TRAPPC9: variants seen among roughly 807,000 people sequenced by gnomAD.
TRAPPC9 encodes IKK2 binding protein.
In TRAPPC9, 83 loss-of-function variants were observed where a neutral mutation model predicts 124.0. The observed-to-expected ratio is 0.67, with a 90% CI of 0.56 to 0.80. TRAPPC9 has a LOEUF of 0.80. Ranked by LOEUF, TRAPPC9 falls within the 30% of genes least tolerant of loss-of-function variation. The probability of loss-of-function intolerance (pLI) is 0.00; values close to 1 mark genes in which losing one functional copy is unlikely to be tolerated. For missense variants in TRAPPC9, 1,302 were observed against 1,508.3 expected (o/e 0.86, Z 2.27); for synonymous variants, 638 against 617.5 (o/e 1.03, Z -0.49).
At chr8:140,372,942 A>G (rs73713112) in intron 7 of TRAPPC9, among the ~76,000 whole-genome samples, 5,454 of 152,292 alleles carry the variant, frequency 0.036, 209 homozygotes, top group African/African-American at 0.097. Context: ...CCCCTTCAGG[A>G]CTGTAAAATG....
At chr8:140,245,089 C>T (rs1348312235) in intron 16 of TRAPPC9, among the ~76,000 whole-genome samples, 1 of 152,138 alleles carries the variant, frequency 6.6e-6, no homozygotes, top group African/African-American at 2.4e-5. Context: ...CAGGCACGAG[C>T]CACCGCGCCT....
intron 17 of TRAPPC9, among the ~76,000 whole-genome samples, chr8:140,179,310 C>G (rs2062147429): frequency 6.6e-6 from 1 of 151,974 alleles, no homozygotes; most frequent in South Asian, 2.1e-4. Context: ...TTCAAATTAC[C>G]CTGTGATTTC....
At chr8:140,186,217 A>G (rs2062351557) in intron 17 of TRAPPC9, among the ~76,000 whole-genome samples, 1 of 152,244 alleles carries the variant, frequency 6.6e-6, no homozygotes, top group African/African-American at 2.4e-5. Flanking sequence ...TATAGCTACA[A>G]AATAGTCACT....
chr8:140,278,377 A>T (rs1258339251), intron 14 of TRAPPC9, among the ~76,000 whole-genome samples: 2 of 152,204 alleles, frequency 1.3e-5, no homozygotes, highest in Non-Finnish European at 2.9e-5. Flanking sequence ...AAGTGCTAGG[A>T]TTACAGGAGT....
At chr8:140,084,808 C>T (rs1051284283) in intron 17 of TRAPPC9, among the ~76,000 whole-genome samples, 5 of 152,322 alleles carry the variant, frequency 3.3e-5, no homozygotes, top group Middle Eastern at 3.4e-3. Flanking sequence ...CCCTTGGAGA[C>T]GTTTACCAAG....
At chr8:139,982,025 A>G (rs769197493) in intron 19 of TRAPPC9, among the ~76,000 whole-genome samples, 7 of 152,222 alleles carry the variant, frequency 4.6e-5, no homozygotes, top group Non-Finnish European at 1.0e-4. Context: ...ATCTATTATC[A>G]TACATTATAA....
At chr8:140,188,367 T>C (rs2062397965) in intron 17 of TRAPPC9, among the ~76,000 whole-genome samples, 2 of 152,210 alleles carry the variant, frequency 1.3e-5, no homozygotes, top group African/African-American at 4.8e-5. Flanking sequence ...TCTCTCCTGA[T>C]CCTCTGACTG....
intron 21 of TRAPPC9, among the ~76,000 whole-genome samples, chr8:139,881,575 T>A (rs1029383281): frequency 6.6e-6 from 1 of 152,154 alleles, no homozygotes; most frequent in African/African-American, 2.4e-5. Context: ...TGTCCTCAGA[T>A]GGCTGAAGTG....
chr8:140,427,358 CTCTA>C (rs1329836022), intron 4 of TRAPPC9, among the ~76,000 whole-genome samples: 1 of 147,498 alleles, frequency 6.8e-6, no homozygotes, highest in East Asian at 2.2e-4. Context: ...AAATACATCT[CTCTA>C]TATATATATC....
intron 17 of TRAPPC9, among the ~76,000 whole-genome samples, chr8:140,174,319 C>T (rs2062020519): frequency 6.6e-6 from 1 of 151,728 alleles, no homozygotes. Flanking sequence ...AACCAACCCC[C>T]ATGACACATG....
rs185962017 is a variant in TRAPPC9, at chr8:139,886,589, T to C, written c.2965-620A>G. On this transcript the variant is annotated intron_variant, in intron 20 of 22. Transcript: ENST00000438773. ...CAGATCTGTAAACCTCTTTCCCTTT[T>C]CCTACATAAGTTAAAGCCACCACAT... is the stretch of plus-strand genomic sequence containing the variant. 3.2e-4 allele frequency among the ~76,000 whole-genome samples: 49 copies of C among 152,348 alleles called. No homozygotes were observed. The East Asian group carries it at 6.7e-3, about 21-fold the overall frequency.
At chr8:139,784,556 G>A (rs924763137) in intron 21 of TRAPPC9, among the ~76,000 whole-genome samples, 8 of 132,572 alleles carry the variant, frequency 6.0e-5, no homozygotes, top group African/African-American at 2.3e-4. Flanking sequence ...CCTGGGCAAC[G>A]GAGAGAGACT....
intron 21 of TRAPPC9, among the ~76,000 whole-genome samples, chr8:139,867,364 A>G (rs1385984458): frequency 6.6e-6 from 1 of 152,254 alleles, no homozygotes; most frequent in Non-Finnish European, 1.5e-5. Flanking sequence ...AATGAATTTT[A>G]ACCCAATGAA....
At chr8:140,453,144 T>C (rs894221082) in intron 1 of TRAPPC9, among the ~76,000 whole-genome samples, 7 of 152,042 alleles carry the variant, frequency 4.6e-5, no homozygotes, top group Non-Finnish European at 8.8e-5. Flanking sequence ...CTGTATCAAA[T>C]AAGAAAAAGA....
intron 17 of TRAPPC9, among the ~76,000 whole-genome samples, chr8:140,047,319 G>A (rs1046451532): frequency 6.6e-6 from 1 of 152,228 alleles, no homozygotes; most frequent in African/African-American, 2.4e-5. Context: ...TGCAGTGCAC[G>A]GGGGACAGCT....
At chr8:140,219,154 G>A (rs943106012) in intron 17 of TRAPPC9, among the ~76,000 whole-genome samples, 9 of 152,064 alleles carry the variant, frequency 5.9e-5, no homozygotes, top group African/African-American at 1.7e-4. Flanking sequence ...CAGTGAAACC[G>A]TTTCTATAAA....
intron 21 of TRAPPC9, among the ~76,000 whole-genome samples, chr8:139,797,807 TA>T (rs1260957000): frequency 6.6e-6 from 1 of 152,246 alleles, no homozygotes; most frequent in East Asian, 1.9e-4. Context: ...CGCTTGGCCG[TA>T]AATGCAAGGG....
chr8:139,911,935 G>A (rs920252357), intron 19 of TRAPPC9, among the ~76,000 whole-genome samples: 5 of 152,186 alleles, frequency 3.3e-5, no homozygotes, highest in African/African-American at 1.2e-4. Context: ...TAAATCTCTA[G>A]TATTCAGCCT....
rs577624746 is a variant in TRAPPC9, at chr8:139,984,409, C to T, written c.2810+4317G>A. On this transcript the variant is annotated intron_variant, in intron 19 of 22. Transcript: ENST00000438773. This position sits in a 1 kb window ranked among gnomAD's most constrained non-coding sequence, Gnocchi z 4.3. ...GCCCTCCCCACTCCAGAGGGCAGAT[C>T]GCAGGCAAAAGAAGCTTCTTTAGGT... Among the ~76,000 whole-genome samples the T allele has an allele frequency of 6.6e-6, 1 of 151,500 alleles. No homozygotes were observed. Among genetic ancestry groups the T allele is most frequent in the South Asian group, 2.1e-4 (1 of 4,760 alleles).
Sources: gnomAD v4.1 joint callset for allele counts (sites outside exome capture counted in the v4.1 genomes callset) on GRCh38, gnomAD v4.1.1 for gene constraint, Gnocchi (gnomAD v3.1) non-coding constraint, MANE v1.5 for transcripts, NCBI Gene and HGNC (gene_info 2026-07-23, HGNC 2026-07-21) for gene names.